Variants in SHANK1 observed in about 807,000 individuals in gnomAD.
SHANK1 encodes the protein SH3 and multiple ankyrin repeat domains 1, also known as SH3 and multiple ankyrin repeat domains protein 1.
A neutral mutation model predicts 165.6 loss-of-function variants in SHANK1; 35 were observed. That is an observed-to-expected ratio of 0.21 (90% CI 0.16 to 0.28). The LOEUF is 0.28. Among genes scored for constraint, SHANK1 ranks in the 10% least tolerant of loss-of-function variants. SHANK1 has a pLI of 1.00. For synonymous variants in SHANK1, 1,428 were observed against 1,384.8 expected, an observed-to-expected ratio of 1.03 and a Z score of -0.69; for missense variants, 2,681 against 3,036.4, an observed-to-expected ratio of 0.88 and a Z score of 2.75.
rs369157441 is a variant in SHANK1 at position 50,714,286 on chromosome 19, C to G, written c.536G>C (p.Gly179Ala). 2 of 1,613,952 alleles carry G rather than the reference C, an allele frequency of 1.2e-6. No individual in the cohort carries two copies. Among genetic ancestry groups the G allele is most frequent in the Non-Finnish European group, 1.7e-6 (2 of 1,179,912 alleles). The change falls in exon 5 of 24, where the codon GGG becomes GCG. Residue 179 changes from glycine (G) to alanine (A), a missense_variant. Gly to Ala is a moderately conservative substitution (Grantham distance 60). Transcript: ENST00000293441. Reference sequence around the variant, plus strand: ...CACATACTCCAGGAACTTCTTCAACCCCGTCTGAGCCATGGGCAAAGAGAG... The same window carrying G: ...CACATACTCCAGGAACTTCTTCAACGCCGTCTGAGCCATGGGCAAAGAGAG... ...KQLAKLHTKT[G>A]LKKFLEYVQL...
intron 12 of SHANK1, among the ~76,000 whole-genome samples, chr19:50,700,243 A>G (rs1339522251): frequency 0.096 from 3,299 of 34,470 alleles, no homozygotes; most frequent in Middle Eastern, 0.16. Flanking sequence ...GGCATTGGAG[A>G]ATTGGAGGGC....
chr19:50,703,417 G>A (rs1445192611), intron 11 of SHANK1, 83 bp downstream of exon 11: 2 of 1,201,020 alleles, frequency 1.7e-6, no homozygotes, highest in Non-Finnish European at 2.3e-6. Context: ...GAAGGCAGCT[G>A]GGCTGGCCTC....
chr19:50,688,955 G>A lies in SHANK1; in HGVS notation c.2061C>T (p.Ile687=), dbSNP rs752504418. The A allele has an allele frequency of 4.1e-5, 63 of 1,549,794 alleles. No homozygotes were observed. Among genetic ancestry groups the A allele is most frequent in the Non-Finnish European group, 5.1e-5 (58 of 1,144,984 alleles). ...AGGCCGGGGTGGGGGTGAACTCCTC[G>A]ATGGGGGTCTGCGCTGCAGACAGGG... ...VLRGAKAQTP[I]EEFTPTPAFP... Residue 687 remains isoleucine, a synonymous_variant, in exon 17 of 24, where the codon ATC becomes ATT. Transcript: ENST00000293441. This position sits in a 1 kb window ranked among gnomAD's most constrained non-coding sequence, Gnocchi z 6.7.
In SHANK1 at chr19:50,666,250, T is replaced by C. The variant is rs1985504048; in HGVS notation, c.5710A>G (p.Ser1904Gly). The change falls in exon 23 of 24, where the codon AGC becomes GGC. Residue 1904 changes from serine to glycine, a missense_variant. Transcript: ENST00000293441. ...ACATAGCTGGCTCCCCCGTGGTGGC[T>C]GTCTCCGCCTCCCCCACTGCCTCCT... ...ARGGSGGGGD[S>G]HHGGASYVPE... 1 of 1,610,028 alleles carries C rather than the reference T, an allele frequency of 6.2e-7. No individual in the cohort carries two copies. Among genetic ancestry groups the C allele is most frequent in the South Asian group, 1.1e-5 (1 of 90,348 alleles).
At chr19:50,673,592 A>G (rs10418075) in intron 21 of SHANK1, among the ~76,000 whole-genome samples, 3,879 of 151,778 alleles carry the variant, frequency 0.026, 165 homozygotes, top group African/African-American at 0.088. Context: ...CCCAGAAACC[A>G]TCTTGTTTAC....
Position 50,717,052 on chromosome 19 carries a change from G to GTGGGGGTAGGCTGC in SHANK1, c.-43-91_-43-90insGCAGCCTACCCCCA. On this transcript the variant is annotated intron_variant, in intron 1 of 23. Transcript: ENST00000293441. The surrounding 1 kb of genome is among the most constrained non-coding windows in gnomAD (Gnocchi z 5.5). ...TTCGGTGGTCAAGCGGTCAAGGGCA[G>GTGGGGGTAGGCTGC]CCTACCCCCACTGCCCAAGATAGGC... 8.8e-7 allele frequency: 1 copy of GTGGGGGTAGGCTGC among 1,130,214 alleles called. No individual in the cohort carries two copies. Among genetic ancestry groups the GTGGGGGTAGGCTGC allele is most frequent in the Non-Finnish European group, 1.2e-6 (1 of 859,364 alleles). The allele number at this position is 1,130,214 out of a possible 1,614,324, so 70.0% of individuals were successfully genotyped here.
At position 50,702,670 on chromosome 19, in the gene SHANK1, C is replaced by T; in HGVS notation, c.1554-10G>A. 1.3e-6 allele frequency: 2 copies of T among 1,554,222 alleles called. No homozygotes were observed. The highest frequency in any genetic ancestry group is 1.7e-6 in the Non-Finnish European group (2 of 1,151,158). ...GGGTGTCCCGCTGGAGCTGCGTACA[C>T]AGAGGGCATGAGAGGAGGGGAGGGT... On this transcript the variant is annotated splice_polypyrimidine_tract_variant and intron_variant, in intron 11 of 23. Transcript: ENST00000293441. This position sits in a 1 kb window ranked among gnomAD's most constrained non-coding sequence, Gnocchi z 5.3.
Position 50,667,539 on chromosome 19 carries a change from C to T in SHANK1, c.4421G>A (p.Ser1474Asn). 6.7e-7 allele frequency: 1 copy of T among 1,488,814 alleles called. No homozygotes were observed. Among genetic ancestry groups the T allele is most frequent in the Non-Finnish European group, 8.8e-7 (1 of 1,134,644 alleles). The allele number at this position is 1,488,814 out of a possible 1,614,324, so 92.2% of individuals were successfully genotyped here. A position where few individuals can be genotyped will look rare whatever the true frequency, so the allele number is the denominator to read the frequency against. The part of the protein sequence containing the change: ...TEPPAPHPGV[S>N]KPWRSAAPEE... Reference sequence around the variant, plus strand: ...GGGGGCTGCGGACCTCCAGGGCTTGCTTACTCCGGGGTGCGGGGCCGGGGG... The same window carrying T: ...GGGGGCTGCGGACCTCCAGGGCTTGTTTACTCCGGGGTGCGGGGCCGGGGG... Residue 1474 changes from serine (S) to asparagine (N), a missense_variant, in exon 23 of 24, where the codon AGC becomes AAC. Physicochemically the swap from Ser to Asn is conservative, Grantham distance 46. Coordinates refer to ENST00000293441, the MANE Select transcript of SHANK1 (RefSeq NM_016148.5). This position sits in a 1 kb window ranked among gnomAD's most constrained non-coding sequence, Gnocchi z 5.7.
intron 21 of SHANK1, among the ~76,000 whole-genome samples, chr19:50,673,494 CGCG>C (rs1985873137): frequency 6.6e-6 from 1 of 152,136 alleles, no homozygotes; most frequent in South Asian, 2.1e-4. Flanking sequence ...TCCTTTTCAG[CGCG>C]AAGTTCTCCT....
Position 50,671,595 on chromosome 19 carries a change from A to C in SHANK1, c.2674+423T>G, listed in dbSNP as rs142371546. Reference sequence around the variant, plus strand: ...TCTTCCCCTGCTATAAGGCAAGCCCATGAGGGCAGGAACCTTTAGTCTGTT... The same window carrying C: ...TCTTCCCCTGCTATAAGGCAAGCCCCTGAGGGCAGGAACCTTTAGTCTGTT... On this transcript the variant is annotated intron_variant, in intron 22 of 23. Coordinates refer to ENST00000293441, the MANE Select transcript of SHANK1 (RefSeq NM_016148.5). Among the ~76,000 whole-genome samples the C allele has an allele frequency of 7.8e-3, 1,188 of 151,866 alleles. 26 individuals are homozygous for C. Among genetic ancestry groups the C allele is most frequent in the Non-Finnish European group, 9.3e-3 (635 of 67,980 alleles).
chr19:50,668,826 G>C lies in SHANK1; in HGVS notation c.3134C>G (p.Pro1045Arg). ...PPPRLALGPQ[P>R]SLRGWRGGGP... ...GCCGCCCCTCCAGCCTCGCAGGCTG[G>C]GCTGGGGCCCCAGAGCCAGGCGGGG... The change falls in exon 23 of 24, where the codon CCC becomes CGC. Residue 1045 changes from proline (P) to arginine (R), a missense_variant. Pro to Arg is a moderately radical substitution (Grantham distance 103). Coordinates refer to ENST00000293441, the MANE Select transcript of SHANK1 (RefSeq NM_016148.5). 1 of 1,274,978 alleles carries C rather than the reference G, an allele frequency of 7.8e-7. No individual in the cohort carries two copies. The highest frequency in any genetic ancestry group is 9.8e-7 in the Non-Finnish European group (1 of 1,015,962). 79.0% of individuals were successfully genotyped at this position (1,274,978 alleles called of 1,614,324 possible).
intron 6 of SHANK1, among the ~76,000 whole-genome samples, chr19:50,712,440 C>T (rs2089020172): frequency 6.6e-6 from 1 of 152,226 alleles, no homozygotes; most frequent in Non-Finnish European, 1.5e-5. Flanking sequence ...CCACCCATTC[C>T]ACTTCCTACA....
intron 18 of SHANK1, 85 bp from the exon 19 acceptor site, chr19:50,687,747 G>T: frequency 7.3e-7 from 1 of 1,365,132 alleles, no homozygotes; most frequent in Non-Finnish European, 9.9e-7. Context: ...CCAGGGCTCA[G>T]AGAATAGCCA....
Position 50,716,345 on chromosome 19 carries a change from T to C in SHANK1, c.389A>G (p.Asn130Ser). Residue 130 changes from asparagine to serine, a missense_variant, in exon 3 of 24, where the codon AAC becomes AGC. Asn to Ser is a conservative substitution (Grantham distance 46, BLOSUM62 1). Around this residue, in one of 10 missense-constraint regions of SHANK1, gnomAD observed 189 missense variants for 440.9 expected, o/e 0.43. Coordinates refer to ENST00000293441, the MANE Select transcript of SHANK1 (RefSeq NM_016148.5). The surrounding 1 kb of genome is among the most constrained non-coding windows in gnomAD (Gnocchi z 8.4). The stretch of plus-strand genomic sequence containing the variant: ...CAGCAGCCTCTCCTCCTCCAGGAAG[T>C]TGGCATCGCGGCCGGAGGTGGCCGG... ...FQPATSGRDA[N>S]FLEEERLLRE... The C allele has an allele frequency of 6.2e-7, 1 of 1,614,168 alleles. No individual in the cohort carries two copies. The highest frequency in any genetic ancestry group is 1.3e-5 in the African/African-American group (1 of 75,048).
intron 21 of SHANK1, among the ~76,000 whole-genome samples, chr19:50,676,637 T>G (rs1298399025): frequency 6.6e-6 from 1 of 152,138 alleles, no homozygotes; most frequent in Non-Finnish European, 1.5e-5. Flanking sequence ...CTGTCATAAC[T>G]CCTTTAACTG....
intron 8 of SHANK1, among the ~76,000 whole-genome samples, chr19:50,709,451 A>G (rs2088983214): frequency 6.6e-6 from 1 of 151,924 alleles, no homozygotes; most frequent in Non-Finnish European, 1.5e-5. Context: ...TGCATGGTAG[A>G]TATTAATTAT....
At chr19:50,682,893 G>A (rs1030331636) in intron 21 of SHANK1, among the ~76,000 whole-genome samples, 7 of 152,108 alleles carry the variant, frequency 4.6e-5, no homozygotes, top group Admixed American at 1.3e-4. Context: ...TGGCACAATC[G>A]TGGCTTACTG....
Position 50,688,742 on chromosome 19 carries a change from C to G in SHANK1, c.2172+102G>C. ...GGGCAGGGGGCTGGGAATCCTGGTG[C>G]CAAAGGAGAATAAAACTGGGCAGCC... On this transcript the variant is annotated intron_variant, in intron 17 of 23. Transcript: ENST00000293441. This position sits in a 1 kb window ranked among gnomAD's most constrained non-coding sequence, Gnocchi z 6.7. 7.9e-7 allele frequency: 1 copy of G among 1,258,588 alleles called. No homozygotes were observed. The highest frequency in any genetic ancestry group is 1.1e-6 in the Non-Finnish European group (1 of 909,632). 78.0% of individuals were successfully genotyped at this position (1,258,588 alleles called of 1,614,324 possible).
Position 50,662,000 on chromosome 19 carries a change from T to C in SHANK1, c.6451A>G (p.Ile2151Val). The change falls in exon 24 of 24, where the codon ATC becomes GTC. Residue 2151 changes from isoleucine (I) to valine (V), a missense_variant. Physicochemically the swap from Ile to Val is conservative, Grantham distance 29 (BLOSUM62 3). Coordinates refer to ENST00000293441, the MANE Select transcript of SHANK1 (RefSeq NM_016148.5). ...GVTRVGHRMN[I>V]DRALKFFLER ...AGGAAGAATTTGAGAGCCCGGTCGA[T>C]GTTCATGCGGTGGCCCACCCTGGTC... 6.2e-7 allele frequency: 1 copy of C among 1,614,126 alleles called. No individual in the cohort carries two copies. The highest frequency in any genetic ancestry group is 1.3e-5 in the African/African-American group (1 of 75,006).
Sources: allele counts gnomAD v4.1 joint callset (sites outside exome capture counted in the v4.1 genomes callset), GRCh38; gene constraint gnomAD v4.1.1; regional missense constraint gnomAD v4.1.1; non-coding constraint Gnocchi (gnomAD v3.1); transcripts MANE v1.5; gene names NCBI Gene and HGNC (gene_info 2026-07-23, HGNC 2026-07-21).